Variants in GRIN2B observed in about 807,000 individuals in gnomAD.
GRIN2B encodes glutamate ionotropic receptor NMDA type subunit 2B.
GRIN2B carries 5 observed loss-of-function variants against 114.5 expected under a neutral mutation model. That is an observed-to-expected ratio of 0.04 (90% CI 0.02 to 0.09). The LOEUF (loss-of-function observed/expected upper bound fraction) is 0.09, where lower values mean the gene tolerates loss of function less well. GRIN2B is among the 10% of genes least tolerant of loss of function. The probability of loss-of-function intolerance (pLI) is 1.00; values close to 1 mark genes in which losing one functional copy is unlikely to be tolerated. For missense variants in GRIN2B, 1,108 were observed against 1,943.5 expected (o/e 0.57, Z 8.08); for synonymous variants, 787 against 745.1 (o/e 1.06, Z -0.92).
At chr12:13,841,649 C>T (rs1215390093) in intron 3 of GRIN2B, among the ~76,000 whole-genome samples, 1 of 151,886 alleles carries the variant, frequency 6.6e-6, no homozygotes, top group South Asian at 2.1e-4. Context: ...CTTGGAAACA[C>T]TGTCTCTAGC....
intron 5 of GRIN2B, among the ~76,000 whole-genome samples, chr12:13,632,074 A>G (rs1388810238): frequency 1.3e-5 from 2 of 152,174 alleles, no homozygotes; most frequent in Non-Finnish European, 2.9e-5. Flanking sequence ...ACCCCAAACA[A>G]TAACCTTATT....
rs1948560433 is a variant in GRIN2B, at chr12:13,562,643, T to C, written c.*140A>G. The C allele has an allele frequency of 2.6e-6, 2 of 776,984 alleles. No individual in the cohort carries two copies. The highest frequency in any genetic ancestry group is 4.9e-5 in the East Asian group (2 of 40,530). The allele number at this position is 776,984 out of a possible 1,614,324, so 48.1% of individuals were successfully genotyped here. ...GGTTGCCCCCAGTAGGAACCAGAAC[T>C]CCAGGATCCCATAAATAAATTAAAA... On this transcript the variant is annotated 3_prime_UTR_variant, in exon 14 of 14. Transcript: ENST00000609686.
At chr12:13,978,612 G>A (rs780418461) in intron 2 of GRIN2B, among the ~76,000 whole-genome samples, 2 of 152,208 alleles carry the variant, frequency 1.3e-5, no homozygotes, top group Non-Finnish European at 2.9e-5. Flanking sequence ...TTGTGTGTGT[G>A]TTGGGGTGGT....
intron 4 of GRIN2B, among the ~76,000 whole-genome samples, chr12:13,737,366 C>T (rs1470177736): frequency 6.6e-6 from 1 of 151,922 alleles, no homozygotes; most frequent in African/African-American, 2.4e-5. Context: ...CACCTGACAC[C>T]ACCCCTGGCT....
intron 3 of GRIN2B, among the ~76,000 whole-genome samples, chr12:13,795,301 T>C (rs188664988): frequency 6.6e-6 from 1 of 151,828 alleles, no homozygotes; most frequent in Non-Finnish European, 1.5e-5. Flanking sequence ...GGTGGCAAGG[T>C]AGATATAAGA....
At chr12:13,904,660 A>G (rs888005226) in intron 2 of GRIN2B, among the ~76,000 whole-genome samples, 1 of 152,070 alleles carries the variant, frequency 6.6e-6, no homozygotes, top group African/African-American at 2.4e-5. Flanking sequence ...TCAAAATTCT[A>G]GTTTTTATTT....
At position 13,547,981 on chromosome 12, in the gene GRIN2B, A is replaced by ATATATATATATTTTTTTTTTTTTTTTTTT; in HGVS notation, c.*14801_*14802insAAAAAAAAAAAAAAAAAAATATATATATA. ...TGTGTATATATATATATATATATAT[A>ATATATATATATTTTTTTTTTTTTTTTTTT]TTTTTTTTTTTTTTCTGAAAGCTAC... On this transcript the variant is annotated 3_prime_UTR_variant, in exon 14 of 14. Transcript: ENST00000609686. 2 of 68,588 alleles carry ATATATATATATTTTTTTTTTTTTTTTTTT rather than the reference A, an allele frequency of 2.9e-5. No homozygotes were observed. The highest frequency in any genetic ancestry group is 2.9e-5 in the Non-Finnish European group (1 of 34,392). 4.2% of individuals were successfully genotyped at this position (68,588 alleles called of 1,614,324 possible). A position where few individuals can be genotyped will look rare whatever the true frequency, so the allele number is the denominator to read the frequency against.
At chr12:13,690,102 T>G (rs1300682518) in intron 4 of GRIN2B, among the ~76,000 whole-genome samples, 1 of 152,202 alleles carries the variant, frequency 6.6e-6, no homozygotes, top group Non-Finnish European at 1.5e-5. Context: ...ACATACTATT[T>G]AAAGGTAAAA....
chr12:13,784,756 G>C (rs1459916408), intron 3 of GRIN2B, among the ~76,000 whole-genome samples: 1 of 152,178 alleles, frequency 6.6e-6, no homozygotes, highest in African/African-American at 2.4e-5. Context: ...ACATGGCTAA[G>C]AGCCCAGCTG....
At chr12:13,586,036 G>A (rs1394431217) in intron 10 of GRIN2B, among the ~76,000 whole-genome samples, 2 of 152,198 alleles carry the variant, frequency 1.3e-5, no homozygotes, top group Non-Finnish European at 2.9e-5. Context: ...TGCTACAAAA[G>A]TGAAATATCA....
intron 5 of GRIN2B, among the ~76,000 whole-genome samples, chr12:13,663,648 T>G (rs557374401): frequency 6.6e-6 from 1 of 152,176 alleles, no homozygotes; most frequent in Non-Finnish European, 1.5e-5. Context: ...GTGCAAAAAG[T>G]CATTTTAGAA....
chr12:13,660,683 T>C (rs567606949), intron 5 of GRIN2B, among the ~76,000 whole-genome samples: 1 of 152,336 alleles, frequency 6.6e-6, no homozygotes, highest in South Asian at 2.1e-4. Context: ...GAAGTGTTTC[T>C]AACTTCTGGG....
rs192066111 is a variant in GRIN2B at position 13,932,740 on chromosome 12, G to A, written c.-19+47188C>T. Among the ~76,000 whole-genome samples, 9 of 152,286 alleles carry A rather than the reference G, an allele frequency of 5.9e-5. No individual in the cohort carries two copies. In the East Asian group the frequency reaches 1.4e-3, roughly 23 times the overall value. The stretch of plus-strand genomic sequence containing the variant: ...AGGATCCAGAGAAATGTTCAGTCAA[G>A]AACCAAAAGGTTGGGAGAATCTTGA... On this transcript the variant is annotated intron_variant, in intron 2 of 13. Coordinates refer to ENST00000609686, the MANE Select transcript of GRIN2B (RefSeq NM_000834.5).
intron 3 of GRIN2B, among the ~76,000 whole-genome samples, chr12:13,840,147 CT>C (rs199605712): frequency 0.16 from 23,980 of 152,042 alleles, 2,410 homozygotes; most frequent in Non-Finnish European, 0.22. Flanking sequence ...TAACGTACTG[CT>C]CTGTTTCAGC....
chr12:13,751,907 T>C (rs975327352), intron 4 of GRIN2B, among the ~76,000 whole-genome samples: 1 of 151,850 alleles, frequency 6.6e-6, no homozygotes, highest in Non-Finnish European at 1.5e-5. Flanking sequence ...GAGCCCCAGA[T>C]GGAACTGGAA....
chr12:13,636,180 A>G (rs1949664125), intron 5 of GRIN2B, among the ~76,000 whole-genome samples: 2 of 152,282 alleles, frequency 1.3e-5, no homozygotes, highest in Middle Eastern at 6.8e-3. Context: ...CAGGCAGAAG[A>G]CTCTGCAAGG....
chr12:13,898,802 T>C (rs559190454), intron 2 of GRIN2B, among the ~76,000 whole-genome samples: 2 of 152,294 alleles, frequency 1.3e-5, no homozygotes, highest in East Asian at 1.9e-4. Flanking sequence ...TCCCAGCTAC[T>C]CAGGAGGCTG....
At chr12:13,787,959 C>A (rs1330874662) in intron 3 of GRIN2B, among the ~76,000 whole-genome samples, 1 of 152,184 alleles carries the variant, frequency 6.6e-6, no homozygotes, top group Non-Finnish European at 1.5e-5. Flanking sequence ...CTCAAATACA[C>A]CAGGAAGATT....
chr12:13,821,377 G>A (rs540289092), intron 3 of GRIN2B, among the ~76,000 whole-genome samples: 1 of 152,242 alleles, frequency 6.6e-6, no homozygotes, highest in South Asian at 2.1e-4. Context: ...CTAATTCTTG[G>A]CCCCAAATCT....
Sources: gnomAD v4.1 joint callset for allele counts (sites outside exome capture counted in the v4.1 genomes callset) on GRCh38, gnomAD v4.1.1 for gene constraint, MANE v1.5 for transcripts, NCBI Gene and HGNC (gene_info 2026-07-23, HGNC 2026-07-21) for gene names.